The following EIF3H variants were observed in gnomAD, a reference collection of about 807,000 sequenced individuals.
EIF3H encodes eukaryotic translation initiation factor 3 subunit H.
In EIF3H, 26 loss-of-function variants were observed where a neutral mutation model predicts 44.2. The ratio of observed to expected loss-of-function variants is 0.59; its 90% CI spans 0.43 to 0.82. The LOEUF (loss-of-function observed/expected upper bound fraction) is 0.82, where lower values mean the gene tolerates loss of function less well. Among genes scored for constraint, EIF3H ranks in the 40% least tolerant of loss-of-function variants. The pLI, the probability that EIF3H is intolerant of heterozygous loss-of-function variation, is 0.00. For synonymous variants in EIF3H, 166 were observed against 151.9 expected (o/e 1.09, Z -0.68); for missense variants, 359 against 432.8 (o/e 0.83, Z 1.51).
At chr8:116,697,052 CCT>C in intron 2 of EIF3H, 1 of 456,128 alleles carries the variant, frequency 2.2e-6, no homozygotes, top group Non-Finnish European at 4.4e-6. Context: ...CCCTGGCTCA[CCT>C]CTCCAGCTGG....
intron 1 of EIF3H, among the ~76,000 whole-genome samples, chr8:116,735,813 A>T (rs897025530): frequency 2.6e-5 from 4 of 151,990 alleles, no homozygotes; most frequent in Non-Finnish European, 4.4e-5. Flanking sequence ...AAAAAAAAAA[A>T]ACGTAACACA....
chr8:116,753,360 TC>T (rs1166792135), intron 1 of EIF3H, among the ~76,000 whole-genome samples: 1 of 152,184 alleles, frequency 6.6e-6, no homozygotes, highest in Non-Finnish European at 1.5e-5. Flanking sequence ...CTTTACCTGC[TC>T]TTATTATGAT....
chr8:116,746,997 A>T (rs1181721832), intron 1 of EIF3H, among the ~76,000 whole-genome samples: 3 of 152,234 alleles, frequency 2.0e-5, no homozygotes, highest in Admixed American at 2.0e-4. Flanking sequence ...TTATAGAAAT[A>T]ACAGACTACC....
chr8:116,758,008 C>T (rs1815478249), upstream of EIF3H, among the ~76,000 whole-genome samples: 1 of 152,220 alleles, frequency 6.6e-6, no homozygotes, highest in East Asian at 1.9e-4. Context: ...AGGCGTGAGC[C>T]ACCGCACCTA....
rs1291936691 is a variant in EIF3H at position 116,658,901 on chromosome 8, T to C, written c.369A>G (p.Thr123=). Residue 123 remains threonine (T), a synonymous_variant, in exon 3 of 8, where the codon ACA becomes ACG. Coordinates refer to ENST00000521861, the MANE Select transcript of EIF3H (RefSeq NM_003756.3). ...CCCGGGTAACGAATGAGCCATAGTATGTGGACTGATACCAGCCCACGTGAA... is the reference window on the plus strand; with the variant it reads ...CCCGGGTAACGAATGAGCCATAGTACGTGGACTGATACCAGCCCACGTGAA... ...DHLHVGWYQS[T]YYGSFVTRAL... 3.1e-6 allele frequency: 5 copies of C among 1,613,962 alleles called. No individual in the cohort carries two copies. Among genetic ancestry groups the C allele is most frequent in the Middle Eastern group, 1.7e-4 (1 of 6,054 alleles).
intron 1 of EIF3H, among the ~76,000 whole-genome samples, chr8:116,729,360 AAT>A (rs1354470901): frequency 3.3e-5 from 5 of 152,222 alleles, no homozygotes; most frequent in Non-Finnish European, 7.3e-5. Flanking sequence ...TAAAAAAATT[AAT>A]ATATTTTAAA....
At chr8:116,713,036 G>A (rs1268538768) in intron 2 of EIF3H, among the ~76,000 whole-genome samples, 1 of 152,034 alleles carries the variant, frequency 6.6e-6, no homozygotes, top group African/African-American at 2.4e-5. Context: ...TACTAAAACA[G>A]TTCATTTTAA....
chr8:116,739,173 G>C (rs1483708690), intron 1 of EIF3H, among the ~76,000 whole-genome samples: 2 of 152,198 alleles, frequency 1.3e-5, no homozygotes, highest in South Asian at 4.1e-4. Context: ...CAGCATGAGC[G>C]ATCCGTGCCT....
chr8:116,704,628 C>A, intron 2 of EIF3H, among the ~76,000 whole-genome samples: 1 of 152,234 alleles, frequency 6.6e-6, no homozygotes, highest in Admixed American at 6.5e-5. Context: ...AATCGACAAA[C>A]AGGAAGATAT....
In EIF3H at chr8:116,743,462, G is replaced by C. The variant is rs957358025; in HGVS notation, c.132+12204C>G. ...CAAGATCCTGTCTCAAAAAATAATAGGCCAGGCACAGTGGCTCATGCCTAT... is the reference window on the plus strand; with the variant it reads ...CAAGATCCTGTCTCAAAAAATAATACGCCAGGCACAGTGGCTCATGCCTAT... On this transcript the variant is annotated intron_variant, in intron 1 of 7. Transcript: ENST00000521861. Among the ~76,000 whole-genome samples the C allele has an allele frequency of 3.4e-5, 5 of 146,848 alleles. No homozygotes were observed. The South Asian group carries it at 1.1e-3, about 32-fold the overall frequency.
At chr8:116,757,766 G>C (rs1815474409), upstream of EIF3H, among the ~76,000 whole-genome samples, 1 of 150,162 alleles carries the variant, frequency 6.7e-6, no homozygotes, top group Non-Finnish European at 1.5e-5. Context: ...GTGTCACCCA[G>C]GCTGGAGTGC....
intron 2 of EIF3H, among the ~76,000 whole-genome samples, chr8:116,706,855 T>C (rs1283620007): frequency 6.6e-6 from 1 of 152,176 alleles, no homozygotes; most frequent in Non-Finnish European, 1.5e-5. Flanking sequence ...AACATTTTAC[T>C]ATAAAACAAG....
chr8:116,765,675 C>G (rs4876680), exon 1 of EIF3H: 112,948 of 152,106 alleles, frequency 0.74, 42,658 homozygotes, highest in African/African-American at 0.77. Context: ...AGAGACCATG[C>G]ACATAAAAAG....
At chr8:116,661,436 G>A (rs913667131) in intron 2 of EIF3H, among the ~76,000 whole-genome samples, 1 of 152,190 alleles carries the variant, frequency 6.6e-6, no homozygotes, top group Non-Finnish European at 1.5e-5. Context: ...TCTAGAGGTC[G>A]AGGTTCTCAT....
At chr8:116,710,194 T>C (rs1012247190) in intron 2 of EIF3H, among the ~76,000 whole-genome samples, 1 of 152,242 alleles carries the variant, frequency 6.6e-6, no homozygotes, top group African/African-American at 2.4e-5. Flanking sequence ...ACAGGCTTTA[T>C]CAGTATTGTC....
intron 2 of EIF3H, among the ~76,000 whole-genome samples, chr8:116,696,645 C>T (rs1814272799): frequency 6.6e-6 from 1 of 152,006 alleles, no homozygotes; most frequent in Admixed American, 6.6e-5. Context: ...TTTATTTCTG[C>T]CTAAAATACA....
At chr8:116,727,503 G>A (rs1814866350) in intron 1 of EIF3H, among the ~76,000 whole-genome samples, 1 of 152,114 alleles carries the variant, frequency 6.6e-6, no homozygotes, top group African/African-American at 2.4e-5. Flanking sequence ...TCTTATCAGT[G>A]GTCCCTATTT....
rs1814625900 is a variant in EIF3H at position 116,714,418 on chromosome 8, C to G, written c.289+11598G>C. ...GTTTTACAATTTTTTTATGTACACA[C>G]TTGTCTCTCCCACTTAAAATCTTCT... On this transcript the variant is annotated intron_variant, in intron 2 of 7. Transcript: ENST00000521861. Among the ~76,000 whole-genome samples the G allele has an allele frequency of 3.3e-5, 5 of 152,154 alleles. No homozygotes were observed. The Middle Eastern group carries it at 0.014, about 414-fold the overall frequency.
At position 116,683,449 on chromosome 8, in the gene EIF3H, T is replaced by G. The variant is rs376384819; in HGVS notation, c.290-24469A>C. 1.8e-4 allele frequency among the ~76,000 whole-genome samples: 28 copies of G among 152,280 alleles called. No homozygotes were observed. In the East Asian group the frequency reaches 3.5e-3, roughly 19 times the overall value. Reference sequence around the variant, plus strand: ...TCTTGTGCCTCTTCTTATAAGGACATGAGCCCTGCTCTCATTACCTCATCT... The same window carrying G: ...TCTTGTGCCTCTTCTTATAAGGACAGGAGCCCTGCTCTCATTACCTCATCT... On this transcript the variant is annotated intron_variant, in intron 2 of 7. Coordinates refer to ENST00000521861, the MANE Select transcript of EIF3H (RefSeq NM_003756.3).
Sources: allele counts gnomAD v4.1 joint callset (sites outside exome capture counted in the v4.1 genomes callset), GRCh38; gene constraint gnomAD v4.1.1; transcripts MANE v1.5; gene names NCBI Gene and HGNC (gene_info 2026-07-23, HGNC 2026-07-21).